The following MED17 variants were observed in gnomAD, a reference collection of about 807,000 sequenced individuals.
MED17 encodes mediator of RNA polymerase II transcription subunit 17.
A neutral mutation model predicts 80.8 loss-of-function variants in MED17; 49 were observed. That is an observed-to-expected ratio of 0.61 (90% CI 0.48 to 0.77). The LOEUF (loss-of-function observed/expected upper bound fraction) is 0.77, where lower values mean the gene tolerates loss of function less well. Ranked by LOEUF, MED17 falls within the 30% of genes least tolerant of loss-of-function variation. The pLI, the probability that MED17 is intolerant of heterozygous loss-of-function variation, is 0.00. For synonymous variants in MED17, 281 were observed against 280.4 expected, an observed-to-expected ratio of 1.00 and a Z score of -0.02; for missense variants, 718 against 787.0, an observed-to-expected ratio of 0.91 and a Z score of 1.05.
intron 8 of MED17, 146 bp from the exon 9 acceptor site, chr11:93,801,689 C>G: frequency 1.4e-6 from 1 of 730,488 alleles, no homozygotes; most frequent in South Asian, 1.7e-5. Flanking sequence ...AGAGCTACCT[C>G]TGCCTTTATT....
chr11:93,787,454 T>C (rs1565287828), intron 1 of MED17, among the ~76,000 whole-genome samples: 1 of 151,970 alleles, frequency 6.6e-6, no homozygotes, highest in Non-Finnish European at 1.5e-5. Flanking sequence ...GCTCCATCTG[T>C]TAATAGTGGT....
chr11:93,804,733 A>G (rs1944006183), intron 9 of MED17, among the ~76,000 whole-genome samples: 1 of 152,222 alleles, frequency 6.6e-6, no homozygotes, highest in Admixed American at 6.5e-5. Flanking sequence ...AGTGGTCTTT[A>G]GTATATTCCC....
chr11:93,786,894 G>A (rs555171654), intron 1 of MED17, among the ~76,000 whole-genome samples: 1 of 152,290 alleles, frequency 6.6e-6, no homozygotes, highest in South Asian at 2.1e-4. Flanking sequence ...ATTGTTGGAA[G>A]CAGTTTACTT....
In MED17 at chr11:93,794,828, A is replaced by G. The variant is rs111678421; in HGVS notation, c.860-80A>G. ...TGTAGTGTTTTCCTAAACTTTTGTC[A>G]TATGTATTCAGATCACCATTTAAAC... On this transcript the variant is annotated intron_variant, in intron 5 of 11. Transcript: ENST00000251871. The G allele has an allele frequency of 9.2e-5, 131 of 1,431,192 alleles. 2 individuals are homozygous for G. The Middle Eastern group carries it at 1.6e-3, about 17-fold the overall frequency. The allele number at this position is 1,431,192 out of a possible 1,614,324, so 88.7% of individuals were successfully genotyped here. A position where few individuals can be genotyped will look rare whatever the true frequency, so the allele number is the denominator to read the frequency against.
At chr11:93,788,233 T>C in intron 2 of MED17, 66 bp downstream of exon 2, 3 of 1,366,048 alleles carry the variant, frequency 2.2e-6, no homozygotes, top group Non-Finnish European at 3.1e-6. Flanking sequence ...TTTTTTGGCT[T>C]TGTGCCTGTT....
intron 8 of MED17, among the ~76,000 whole-genome samples, chr11:93,799,607 C>G (rs1943940576): frequency 6.6e-6 from 1 of 152,108 alleles, no homozygotes; most frequent in African/African-American, 2.4e-5. Context: ...TGGCCCATCT[C>G]TACAAAAAAA....
At chr11:93,784,797 T>C (rs1169725998) in intron 1 of MED17, 34 bp downstream of exon 1, 2 of 1,533,544 alleles carry the variant, frequency 1.3e-6, no homozygotes, top group Non-Finnish European at 1.7e-6. Context: ...AGTCCCCCGG[T>C]CTGGGTCCCA....
chr11:93,785,041 C>T, intron 1 of MED17: 1 of 554,454 alleles, frequency 1.8e-6, no homozygotes, highest in South Asian at 2.2e-5. Context: ...TGTAGAGGGC[C>T]TTTAATGTAG....
At chr11:93,784,843 G>T (rs1341257843) in intron 1 of MED17, 80 bp downstream of exon 1, 2 of 1,513,794 alleles carry the variant, frequency 1.3e-6, no homozygotes, top group Non-Finnish European at 8.8e-7. Flanking sequence ...CCGCGATGGG[G>T]GTGATCTTGT....
At chr11:93,799,572 G>T (rs1327836546) in intron 8 of MED17, among the ~76,000 whole-genome samples, 1 of 152,150 alleles carries the variant, frequency 6.6e-6, no homozygotes, top group African/African-American at 2.4e-5. Flanking sequence ...TCAAGTCCAG[G>T]AGTTTGAGAC....
chr11:93,804,662 T>C (rs1451405354), intron 9 of MED17, among the ~76,000 whole-genome samples: 1 of 152,222 alleles, frequency 6.6e-6, no homozygotes, highest in Non-Finnish European at 1.5e-5. Flanking sequence ...CAGAGTTTTG[T>C]ATGCTTTCTA....
rs1565294427 is a variant in MED17, at chr11:93,807,520, C to T, written c.1469C>T (p.Ser490Phe). The change falls in exon 10 of 12, where the codon TCC becomes TTC. Residue 490 changes from serine (S) to phenylalanine (F), a missense_variant and splice_region_variant. Coordinates refer to ENST00000251871, the MANE Select transcript of MED17 (RefSeq NM_004268.5). ...TSQGYEQICKSIQLQLNIGVE... is the reference protein window; with the variant it reads ...TSQGYEQICKFIQLQLNIGVE... Reference sequence around the variant, plus strand: ...TTTTAGTATGTGTGTCTATAAAGGTCCATTCAACTGCAATTGAATATTGGA... The same window carrying T: ...TTTTAGTATGTGTGTCTATAAAGGTTCATTCAACTGCAATTGAATATTGGA... The T allele has an allele frequency of 2.6e-6, 4 of 1,554,080 alleles. No homozygotes were observed. Among genetic ancestry groups the T allele is most frequent in the Non-Finnish European group, 3.6e-6 (4 of 1,125,576 alleles).
rs1205119975 is a variant in MED17, at chr11:93,813,253, A to T, written c.*1189A>T. The T allele has an allele frequency of 6.6e-6, 1 of 152,226 alleles. No individual in the cohort carries two copies. The highest frequency in any genetic ancestry group is 1.5e-5 in the Non-Finnish European group (1 of 68,036). The allele number at this position is 152,226 out of a possible 1,614,324, so 9.4% of individuals were successfully genotyped here. ...AGACATCCTGCTTTAACAATTTGTA[A>T]GATGACTGTGCAGTAATAAAAGTCC... On this transcript the variant is annotated 3_prime_UTR_variant, in exon 12 of 12. Coordinates refer to ENST00000251871, the MANE Select transcript of MED17 (RefSeq NM_004268.5).
chr11:93,790,415 A>G, intron 2 of MED17, 159 bp from the exon 3 acceptor site: 1 of 687,624 alleles, frequency 1.5e-6, no homozygotes, highest in Admixed American at 2.6e-5. Context: ...AGTTGGACAA[A>G]GAAATAGGTT....
At position 93,813,171 on chromosome 11, in the gene MED17, A is replaced by G. The variant is rs1230237649; in HGVS notation, c.*1107A>G. The stretch of plus-strand genomic sequence containing the variant: ...GCTCATAAGCCTTTTGGTAACACTG[A>G]AAGTAGTATCATATAGGCAAGCTCT... On this transcript the variant is annotated 3_prime_UTR_variant, in exon 12 of 12. Transcript: ENST00000251871. 6.6e-6 allele frequency: 1 copy of G among 152,246 alleles called. No individual in the cohort carries two copies. Among genetic ancestry groups the G allele is most frequent in the Non-Finnish European group, 1.5e-5 (1 of 68,042 alleles). 9.4% of individuals were successfully genotyped at this position (152,246 alleles called of 1,614,324 possible).
In MED17 at chr11:93,813,113, A is replaced by C. The variant is rs979537189; in HGVS notation, c.*1049A>C. 3 of 152,218 alleles carry C rather than the reference A, an allele frequency of 2.0e-5. No homozygotes were observed. The highest frequency in any genetic ancestry group is 4.4e-5 in the Non-Finnish European group (3 of 68,036). 9.4% of individuals were successfully genotyped at this position (152,218 alleles called of 1,614,324 possible). ...TTTGCACTTCTTGGAAAAAGTGCCT[A>C]AAGTGTGCCCATTAATATGAGGATA... On this transcript the variant is annotated 3_prime_UTR_variant, in exon 12 of 12. Coordinates refer to ENST00000251871, the MANE Select transcript of MED17 (RefSeq NM_004268.5).
Position 93,812,405 on chromosome 11 carries a change from A to G in MED17, c.*341A>G, listed in dbSNP as rs1407398229. ...CAAATAAAGTATGTGGTTTAAAAAA[A>G]TCTCCAAATACCTTTTTTTCCCCCC... On this transcript the variant is annotated 3_prime_UTR_variant, in exon 12 of 12. Transcript: ENST00000251871. The G allele has an allele frequency of 2.0e-6, 1 of 497,896 alleles. No homozygotes were observed. The highest frequency in any genetic ancestry group is 3.5e-6 in the Non-Finnish European group (1 of 287,078). The allele number at this position is 497,896 out of a possible 1,614,324, so 30.8% of individuals were successfully genotyped here. A position where few individuals can be genotyped will look rare whatever the true frequency, so the allele number is the denominator to read the frequency against.
chr11:93,809,777 CT>C lies in MED17; in HGVS notation c.1646del (p.Leu549ArgfsTer12). On this transcript the variant is annotated frameshift_variant, in exon 11 of 12. Transcript: ENST00000251871. LOFTEE classifies it high-confidence loss of function. ...QLAKVMGWQVLSFSNHVGLGP... is the reference protein window; with the variant it reads ...QLAKVMGWQVXSFSNHVGLGP... ...CGCCAAGGTTATGGGCTGGCAAGTA[CT>C]GAGCTTCAGTAATCATGTGGGACTT... The C allele has an allele frequency of 6.2e-7, 1 of 1,614,164 alleles. No individual in the cohort carries two copies. Among genetic ancestry groups the C allele is most frequent in the Non-Finnish European group, 8.5e-7 (1 of 1,180,032 alleles).
In MED17 at chr11:93,784,283, G is replaced by C. The variant is rs891126837; in HGVS notation, c.-231G>C. 4 of 592,204 alleles carry C rather than the reference G, an allele frequency of 6.8e-6. No homozygotes were observed. The highest frequency in any genetic ancestry group is 1.9e-5 in the African/African-American group (1 of 53,254). The allele number at this position is 592,204 out of a possible 1,614,324, so 36.7% of individuals were successfully genotyped here. A position where few individuals can be genotyped will look rare whatever the true frequency, so the allele number is the denominator to read the frequency against. On this transcript the variant is annotated 5_prime_UTR_variant, in exon 1 of 12. Coordinates refer to ENST00000251871, the MANE Select transcript of MED17 (RefSeq NM_004268.5). ...ACCCTGGAGCTTCCGCGCCTGCCCA[G>C]TTTTGCTCCGAAAGACTTACCGAGG... is the stretch of plus-strand genomic sequence containing the variant.
Sources: allele counts gnomAD v4.1 joint callset (sites outside exome capture counted in the v4.1 genomes callset), GRCh38; gene constraint gnomAD v4.1.1; transcripts MANE v1.5; gene names NCBI Gene and HGNC (gene_info 2026-07-23, HGNC 2026-07-21).